Variants in CSNK1G1 observed in about 807,000 individuals in gnomAD.
The protein encoded by CSNK1G1 is casein kinase 1 gamma 1, also known as casein kinase I isoform gamma-1.
Under a neutral mutation model 59.6 loss-of-function variants are expected in CSNK1G1, and 22 were observed. The observed-to-expected ratio is 0.37, with a 90% confidence interval of 0.26 to 0.53. The LOEUF (loss-of-function observed/expected upper bound fraction) is 0.53, where lower values mean the gene tolerates loss of function less well. Among genes scored for constraint, CSNK1G1 ranks in the 20% least tolerant of loss-of-function variants. CSNK1G1 has a pLI of 0.89. For missense variants in CSNK1G1, 384 were observed against 519.5 expected, an observed-to-expected ratio of 0.74 and a Z score of 2.54; for synonymous variants, 179 against 177.1, an observed-to-expected ratio of 1.01 and a Z score of -0.08.
intron 2 of CSNK1G1, among the ~76,000 whole-genome samples, chr15:64,268,458 G>C (rs574840199): frequency 6.6e-6 from 1 of 152,232 alleles, no homozygotes; most frequent in African/African-American, 2.4e-5. Flanking sequence ...ATCATTTCAT[G>C]TTATAACACT....
At chr15:64,249,951 C>A (rs1566919429) in intron 4 of CSNK1G1, among the ~76,000 whole-genome samples, 1 of 152,162 alleles carries the variant, frequency 6.6e-6, no homozygotes. Flanking sequence ...TCCACTTCCC[C>A]ACTTAAACTT....
intron 3 of CSNK1G1, among the ~76,000 whole-genome samples, chr15:64,253,918 T>C (rs1312684973): frequency 2.6e-5 from 4 of 152,044 alleles, no homozygotes; most frequent in Non-Finnish European, 2.9e-5. Context: ...GGCGGGTGGA[T>C]TGCCTGAGCT....
chr15:64,325,862 CAG>C (rs767048430), intron 1 of CSNK1G1, among the ~76,000 whole-genome samples: 10 of 152,202 alleles, frequency 6.6e-5, no homozygotes, highest in Non-Finnish European at 1.3e-4. Flanking sequence ...CAGAGACGGA[CAG>C]AGAGACAGAG....
intron 4 of CSNK1G1, among the ~76,000 whole-genome samples, chr15:64,227,884 A>T (rs752723354): frequency 7.2e-5 from 11 of 152,048 alleles, no homozygotes; most frequent in Non-Finnish European, 1.6e-4. Flanking sequence ...TCTTACTCTC[A>T]ATGTTCTTTT....
chr15:64,344,398 T>C (rs1897834182), intron 1 of CSNK1G1, among the ~76,000 whole-genome samples: 1 of 152,320 alleles, frequency 6.6e-6, no homozygotes, highest in African/African-American at 2.4e-5. Flanking sequence ...TGGCATTAAA[T>C]ATTAACAGAT....
At chr15:64,192,438 G>C (rs752998979) in intron 10 of CSNK1G1, among the ~76,000 whole-genome samples, 1 of 152,152 alleles carries the variant, frequency 6.6e-6, no homozygotes, top group Non-Finnish European at 1.5e-5. Context: ...TAGCAATCCA[G>C]CATAGCATAA....
intron 2 of CSNK1G1, among the ~76,000 whole-genome samples, chr15:64,293,543 A>G (rs1189903703): frequency 6.6e-6 from 1 of 152,240 alleles, no homozygotes; most frequent in African/African-American, 2.4e-5. Flanking sequence ...AATGTGTAAC[A>G]AAATTGCAAA....
chr15:64,301,392 C>G (rs1382705183), intron 1 of CSNK1G1, among the ~76,000 whole-genome samples: 1 of 151,010 alleles, frequency 6.6e-6, no homozygotes, highest in Non-Finnish European at 1.5e-5. Context: ...AAATCTTAAG[C>G]GTAACATTCA....
At chr15:64,219,777 C>CTTTTTTTT (rs750402203) in intron 4 of CSNK1G1, among the ~76,000 whole-genome samples, 1 of 136,314 alleles carries the variant, frequency 7.3e-6, no homozygotes, top group African/African-American at 2.8e-5. Context: ...CTTTTCTTTT[C>CTTTTTTTT]TTTTTTTTTT....
chr15:64,237,335 T>A (rs2082629973), intron 4 of CSNK1G1, among the ~76,000 whole-genome samples: 1 of 152,216 alleles, frequency 6.6e-6, no homozygotes, highest in Admixed American at 6.5e-5. Context: ...GTAATACCTC[T>A]GGCAGAGAGA....
At chr15:64,178,866 TG>T (rs1257826414) in intron 11 of CSNK1G1, among the ~76,000 whole-genome samples, 5 of 152,028 alleles carry the variant, frequency 3.3e-5, no homozygotes. Flanking sequence ...CACTGCAGCC[TG>T]AACCTTCCAA....
At chr15:64,317,385 G>A (rs146882317) in intron 1 of CSNK1G1, among the ~76,000 whole-genome samples, 3 of 151,342 alleles carry the variant, frequency 2.0e-5, no homozygotes, top group Admixed American at 6.6e-5. Flanking sequence ...CACTGTGCCC[G>A]GCCTAAAGTT....
intron 1 of CSNK1G1, among the ~76,000 whole-genome samples, chr15:64,331,811 G>C (rs1430525767): frequency 6.7e-6 from 1 of 149,802 alleles, no homozygotes; most frequent in Non-Finnish European, 1.5e-5. Flanking sequence ...AATCTACAAT[G>C]AACTCAAACA....
chr15:64,256,355 G>T (rs1280977398), intron 3 of CSNK1G1, among the ~76,000 whole-genome samples: 1 of 152,168 alleles, frequency 6.6e-6, no homozygotes. Context: ...TCAATCTGAC[G>T]TTGGGTAGCC....
At chr15:64,223,888 CTTGAG>C (rs2082422847) in intron 4 of CSNK1G1, among the ~76,000 whole-genome samples, 1 of 152,176 alleles carries the variant, frequency 6.6e-6, no homozygotes, top group African/African-American at 2.4e-5. Context: ...TGAAGTTTAA[CTTGAG>C]TCAAATACAC....
chr15:64,329,957 C>A (rs1292988958), intron 1 of CSNK1G1, among the ~76,000 whole-genome samples: 1 of 151,260 alleles, frequency 6.6e-6, no homozygotes. Context: ...CACATACACT[C>A]TCCCAAGACT....
intron 1 of CSNK1G1, among the ~76,000 whole-genome samples, chr15:64,321,467 T>C (rs1192432739): frequency 6.6e-6 from 1 of 152,084 alleles, no homozygotes; most frequent in Admixed American, 6.6e-5. Flanking sequence ...TGTGCTATGT[T>C]TGCCCAGGCT....
chr15:64,272,216 CTT>C (rs982156703), intron 2 of CSNK1G1, among the ~76,000 whole-genome samples: 1 of 146,298 alleles, frequency 6.8e-6, no homozygotes, highest in African/African-American at 2.5e-5. Context: ...CACTCTGTGA[CTT>C]TTTTTTTTTT....
intron 2 of CSNK1G1, among the ~76,000 whole-genome samples, chr15:64,290,001 T>G (rs988127022): frequency 3.9e-5 from 6 of 152,078 alleles, no homozygotes; most frequent in African/African-American, 1.4e-4. Flanking sequence ...GTTTTGTTGG[T>G]TTTTCCAATA....
Sources: gnomAD v4.1 joint callset for allele counts (sites outside exome capture counted in the v4.1 genomes callset) on GRCh38, gnomAD v4.1.1 for gene constraint, MANE v1.5 for transcripts, NCBI Gene and HGNC (gene_info 2026-07-23, HGNC 2026-07-21) for gene names.